The following HAUS1 variants were observed in gnomAD, a reference collection of about 807,000 sequenced individuals.
HAUS1 encodes HAUS augmin-like complex subunit 1.
Under a neutral mutation model 38.6 loss-of-function variants are expected in HAUS1, and 25 were observed. The observed-to-expected ratio is 0.65, with a 90% CI of 0.47 to 0.91. HAUS1 has a LOEUF of 0.91. Among genes scored for constraint, HAUS1 ranks in the 40% least tolerant of loss-of-function variants. The pLI, the probability that HAUS1 is intolerant of heterozygous loss-of-function variation, is 0.00. For synonymous variants in HAUS1, 109 were observed against 112.9 expected (o/e 0.97, Z 0.22); for missense variants, 325 against 328.4 (o/e 0.99, Z 0.08).
At chr18:46,120,212 G>T in intron 4 of HAUS1, 152 bp downstream of exon 4, 1 of 566,424 alleles carries the variant, frequency 1.8e-6, no homozygotes. Flanking sequence ...AGTGGAGCTG[G>T]AGATGGTTGG....
intron 4 of HAUS1, among the ~76,000 whole-genome samples, chr18:46,121,009 C>G (rs969928031): frequency 1.3e-5 from 2 of 152,162 alleles, no homozygotes; most frequent in African/African-American, 4.8e-5. Context: ...GGGTATCCCT[C>G]TTATGATACT....
At chr18:46,127,707 C>CA (rs36020437) in intron 8 of HAUS1, among the ~76,000 whole-genome samples, 1,157 of 78,006 alleles carry the variant, frequency 0.015, 11 homozygotes, top group Non-Finnish European at 0.022. Context: ...GACTGCATCT[C>CA]AAAAAAAAAA....
chr18:46,108,095 G>A (rs921283791), intron 2 of HAUS1, among the ~76,000 whole-genome samples: 1 of 152,078 alleles, frequency 6.6e-6, no homozygotes, highest in African/African-American at 2.4e-5. Flanking sequence ...GGAGGCAAAT[G>A]AGAAGAAATT....
intron 4 of HAUS1, 145 bp from the exon 5 acceptor site, chr18:46,122,322 C>T (rs1408862485): frequency 2.9e-6 from 2 of 684,182 alleles, no homozygotes; most frequent in Non-Finnish European, 4.8e-6. Flanking sequence ...AAAAAAAACC[C>T]AGAGTGCAAC....
intron 2 of HAUS1, among the ~76,000 whole-genome samples, chr18:46,116,890 T>A (rs759855458): frequency 9.2e-5 from 14 of 152,114 alleles, no homozygotes; most frequent in Non-Finnish European, 1.8e-4. Context: ...GGTCCACAGG[T>A]ACCTGTGAGG....
intron 2 of HAUS1, among the ~76,000 whole-genome samples, chr18:46,108,455 T>C (rs1911533128): frequency 6.6e-6 from 1 of 152,090 alleles, no homozygotes; most frequent in Admixed American, 6.6e-5. Flanking sequence ...ATTTTTATTA[T>C]TTAATTCCTT....
intron 8 of HAUS1, among the ~76,000 whole-genome samples, chr18:46,127,045 G>T (rs1381897069): frequency 6.6e-6 from 1 of 151,804 alleles, no homozygotes; most frequent in Non-Finnish European, 1.5e-5. Flanking sequence ...TGTTGGCCAG[G>T]CTGGTCTTGA....
At chr18:46,113,288 G>T (rs1264457230) in intron 2 of HAUS1, among the ~76,000 whole-genome samples, 1 of 151,742 alleles carries the variant, frequency 6.6e-6, no homozygotes, top group Non-Finnish European at 1.5e-5. Context: ...TGTTGCCCAG[G>T]CTGGTCTCAA....
chr18:46,124,481 A>G (rs1447296660), intron 6 of HAUS1, among the ~76,000 whole-genome samples: 1 of 151,338 alleles, frequency 6.6e-6, no homozygotes, highest in African/African-American at 2.4e-5. Flanking sequence ...AGCTACCTGG[A>G]AGGCTGAAGT....
chr18:46,112,948 AAT>A (rs74172021), intron 2 of HAUS1, among the ~76,000 whole-genome samples: 4 of 95,206 alleles, frequency 4.2e-5, no homozygotes, highest in East Asian at 2.3e-4. Context: ...TAATATATAT[AAT>A]ATATATAATA....
intron 5 of HAUS1, among the ~76,000 whole-genome samples, chr18:46,122,993 T>C (rs530715221): frequency 7.2e-5 from 11 of 152,218 alleles, no homozygotes; most frequent in South Asian, 6.2e-4. Flanking sequence ...GGGCGGATCA[T>C]GAGGTCAGGA....
At chr18:46,113,904 C>T (rs1911738667) in intron 2 of HAUS1, among the ~76,000 whole-genome samples, 1 of 152,132 alleles carries the variant, frequency 6.6e-6, no homozygotes, top group Non-Finnish European at 1.5e-5. Context: ...GTTATCAGCT[C>T]CTCAGGGAGA....
At chr18:46,104,555 A>G (rs1911400239) in intron 1 of HAUS1, 114 bp downstream of exon 1, 1 of 881,278 alleles carries the variant, frequency 1.1e-6, no homozygotes, top group Non-Finnish European at 1.6e-6. Context: ...CCCCTATTCC[A>G]CACATCCGTC....
chr18:46,123,615 A>G (rs1339640075), intron 6 of HAUS1, among the ~76,000 whole-genome samples: 1 of 152,132 alleles, frequency 6.6e-6, no homozygotes, highest in Non-Finnish European at 1.5e-5. Context: ...TTATTGATGT[A>G]TTTATTAAAC....
At chr18:46,124,237 T>G (rs1912032620) in intron 6 of HAUS1, among the ~76,000 whole-genome samples, 1 of 151,642 alleles carries the variant, frequency 6.6e-6, no homozygotes, top group African/African-American at 2.4e-5. Context: ...TGGCGAAACC[T>G]CATCTCTACT....
chr18:46,121,116 T>C (rs571711454), intron 4 of HAUS1, among the ~76,000 whole-genome samples: 1 of 152,362 alleles, frequency 6.6e-6, no homozygotes, highest in Non-Finnish European at 1.5e-5. Flanking sequence ...TATGTAAATT[T>C]ATTCAACAAA....
intron 3 of HAUS1, among the ~76,000 whole-genome samples, chr18:46,118,929 G>A (rs764319938): frequency 5.1e-4 from 78 of 152,224 alleles, no homozygotes; most frequent in Non-Finnish European, 9.1e-4. Context: ...GTGCAGTGGC[G>A]TGATCTCGGC....
intron 2 of HAUS1, among the ~76,000 whole-genome samples, chr18:46,109,335 T>C (rs1184130844): frequency 6.6e-6 from 1 of 152,064 alleles, no homozygotes; most frequent in Non-Finnish European, 1.5e-5. Flanking sequence ...CTTCCATCAG[T>C]CCCCTCCCCT....
chr18:46,126,018 T>A, intron 8 of HAUS1: 1 of 328,098 alleles, frequency 3.0e-6, no homozygotes, highest in Non-Finnish European at 5.6e-6. Flanking sequence ...GGCTCACACC[T>A]GTAATCCCAG....
Sources: allele counts gnomAD v4.1 joint callset (sites outside exome capture counted in the v4.1 genomes callset), GRCh38; gene constraint gnomAD v4.1.1; transcripts MANE v1.5; gene names NCBI Gene and HGNC (gene_info 2026-07-23, HGNC 2026-07-21).